The following FER1L6 variants were observed in gnomAD, a reference collection of about 807,000 sequenced individuals.
FER1L6 encodes fer-1 like family member 6.
Under a neutral mutation model 219.2 loss-of-function variants are expected in FER1L6, and 177 were observed. The ratio of observed to expected loss-of-function variants is 0.81; its 90% CI spans 0.71 to 0.91. The LOEUF (loss-of-function observed/expected upper bound fraction) is 0.91, where lower values mean the gene tolerates loss of function less well. Among genes scored for constraint, FER1L6 ranks in the 40% least tolerant of loss-of-function variants. The pLI is 0.00. For synonymous variants in FER1L6, 768 were observed against 824.3 expected (o/e 0.93, Z 1.17); for missense variants, 2,153 against 2,259.9 (o/e 0.95, Z 0.96).
At chr8:123,986,302 A>G in intron 12 of FER1L6, 126 bp downstream of exon 12, 1 of 606,762 alleles carries the variant, frequency 1.6e-6, no homozygotes, top group South Asian at 2.2e-5. Context: ...TCAGAATGAG[A>G]TGAACAATTC....
At chr8:124,097,092 TATACATAC>T (rs1203092189) in intron 35 of FER1L6, among the ~76,000 whole-genome samples, 171 bp from the exon 36 acceptor site, 4 of 7,856 alleles carry the variant, frequency 5.1e-4, no homozygotes, top group Non-Finnish European at 2.1e-3. Flanking sequence ...TATATATATA[TATACATAC>T]ATACATACTT....
chr8:124,083,370 T>C (rs1821654669), intron 33 of FER1L6, among the ~76,000 whole-genome samples: 1 of 152,164 alleles, frequency 6.6e-6, no homozygotes, highest in Non-Finnish European at 1.5e-5. Flanking sequence ...CTTAACCTAA[T>C]GTCTTTAATT....
At chr8:124,042,158 G>A (rs1285094848) in intron 20 of FER1L6, among the ~76,000 whole-genome samples, 1 of 152,214 alleles carries the variant, frequency 6.6e-6, no homozygotes, top group East Asian at 1.9e-4. Context: ...TTGGTCTGCT[G>A]TGTAATTATC....
intron 1 of FER1L6, among the ~76,000 whole-genome samples, chr8:123,874,269 C>T (rs578046925): frequency 5.9e-5 from 9 of 152,308 alleles, no homozygotes; most frequent in African/African-American, 2.2e-4. Flanking sequence ...CTTCTTTTCT[C>T]AAGTCATAGA....
chr8:124,004,115 C>CAAAAAAAAAAAAAAAAAA, intron 13 of FER1L6: 1 of 78,488 alleles, frequency 1.3e-5, no homozygotes, highest in Non-Finnish European at 2.5e-5. Flanking sequence ...CTGAAAGACT[C>CAAAAAAAAAAAAAAAAAA]AAAAAAAAAA....
chr8:124,018,557 A>G (rs992924644), intron 16 of FER1L6, among the ~76,000 whole-genome samples: 1 of 152,152 alleles, frequency 6.6e-6, no homozygotes, highest in African/African-American at 2.4e-5. Context: ...GGCTTTTCTC[A>G]GCACCTCTGG....
At chr8:123,918,623 A>G (rs1813261866) in intron 1 of FER1L6, among the ~76,000 whole-genome samples, 1 of 151,750 alleles carries the variant, frequency 6.6e-6, no homozygotes, top group African/African-American at 2.4e-5. Context: ...TGAGACTTCA[A>G]TCTCATGGCA....
chr8:123,956,014 G>A lies in FER1L6; in HGVS notation c.16G>A (p.Val6Met), dbSNP rs1323803647. ...CAGAAAGGGGATGTTTGGGCTGAAG[G>A]TGAAGAAGAAGAGAAATAAGGCAGA... MFGLK[V>M]KKKRNKAEKG... The change falls in exon 2 of 41, where the codon GTG becomes ATG. Residue 6 changes from valine to methionine, a missense_variant. Coordinates refer to ENST00000522917, the MANE Select transcript of FER1L6 (RefSeq NM_001039112.2). The A allele has an allele frequency of 2.5e-6, 4 of 1,611,852 alleles. No homozygotes were observed. The African/African-American group carries it at 5.3e-5, about 22-fold the overall frequency.
rs1815730108 is a variant in FER1L6, at chr8:123,970,060, C to T, written c.410C>T (p.Pro137Leu). 1 of 1,613,684 alleles carries T rather than the reference C, an allele frequency of 6.2e-7. No homozygotes were observed. The highest frequency in any genetic ancestry group is 1.3e-5 in the African/African-American group (1 of 74,796). The change falls in exon 6 of 41, where the codon CCC (proline) becomes CTC (leucine). Residue 137 changes from proline to leucine, a missense_variant. Coordinates refer to ENST00000522917, the MANE Select transcript of FER1L6 (RefSeq NM_001039112.2). ...NEYFVFDFIG[P>L]QVHLFDKIIK... is the part of the protein sequence containing the mutation. ...TACTTTGTCTTCGACTTCATTGGGC[C>T]CCAAGTGCATCTTTTTGACAAGATC...
At chr8:124,044,405 C>T (rs1480885976) in intron 20 of FER1L6, among the ~76,000 whole-genome samples, 1 of 152,134 alleles carries the variant, frequency 6.6e-6, no homozygotes, top group Non-Finnish European at 1.5e-5. Context: ...TGAAAATGCA[C>T]AATATTTTTA....
intron 22 of FER1L6, among the ~76,000 whole-genome samples, chr8:124,054,384 C>T (rs78791033): frequency 0.021 from 3,148 of 152,266 alleles, 108 homozygotes; most frequent in African/African-American, 0.073. Flanking sequence ...TCTGAAATGC[C>T]AGTTACCATG....
rs11990077 is a variant in FER1L6 at position 123,958,911 on chromosome 8, C to T, written c.76+2837C>T. 8.4e-3 allele frequency among the ~76,000 whole-genome samples: 1,270 copies of T among 151,570 alleles called. 14 individuals are homozygous for T. Among genetic ancestry groups the T allele is most frequent in the African/African-American group, 0.027 (1,102 of 41,286 alleles). The stretch of plus-strand genomic sequence containing the variant: ...GCAGCAGAGAGCTTGTGAGATTCGA[C>T]GGAACTGAAAGGGGGCCTTGTGGAT... On this transcript the variant is annotated intron_variant, in intron 2 of 40. Transcript: ENST00000522917.
intron 22 of FER1L6, among the ~76,000 whole-genome samples, chr8:124,056,797 A>C (rs772025226): frequency 6.6e-6 from 1 of 152,156 alleles, no homozygotes; most frequent in Non-Finnish European, 1.5e-5. Flanking sequence ...TGTAATGAGC[A>C]CCCTTTGGAG....
chr8:124,054,438 A>C (rs1216652812), intron 22 of FER1L6, among the ~76,000 whole-genome samples: 1 of 152,074 alleles, frequency 6.6e-6, no homozygotes, highest in Non-Finnish European at 1.5e-5. Flanking sequence ...TTTTTTTTTA[A>C]CTTCTTTTTC....
In FER1L6 at chr8:124,023,535, A is replaced by C; in HGVS notation, c.2225A>C (p.Tyr742Ser). 1 of 1,614,174 alleles carries C rather than the reference A, an allele frequency of 6.2e-7. No homozygotes were observed. The highest frequency in any genetic ancestry group is 8.5e-7 in the Non-Finnish European group (1 of 1,180,020). The part of the protein sequence containing the change: ...YARIASKDLL[Y>S]SPVAGQMGKH... ...CGCATCGCCTCCAAAGACCTCCTCT[A>C]TTCCCCTGTCGCGGGGCAGATGGGC... is the stretch of plus-strand genomic sequence containing the variant. Residue 742 changes from tyrosine to serine, a missense_variant, in exon 18 of 41, where the codon TAT becomes TCT. Coordinates refer to ENST00000522917, the MANE Select transcript of FER1L6 (RefSeq NM_001039112.2).
chr8:124,033,307 G>C (rs1563755753), intron 18 of FER1L6, among the ~76,000 whole-genome samples: 1 of 152,142 alleles, frequency 6.6e-6, no homozygotes, highest in East Asian at 1.9e-4. Flanking sequence ...CAGAGGGATT[G>C]CTTTTATTAT....
At chr8:124,042,707 T>C (rs972844610) in intron 20 of FER1L6, among the ~76,000 whole-genome samples, 1 of 152,200 alleles carries the variant, frequency 6.6e-6, no homozygotes, top group African/African-American at 2.4e-5. Flanking sequence ...CCTGCAGTCA[T>C]AGCCGAGTGC....
chr8:124,036,932 T>G (rs1819241730), intron 19 of FER1L6, among the ~76,000 whole-genome samples: 1 of 152,212 alleles, frequency 6.6e-6, no homozygotes, highest in African/African-American at 2.4e-5. Flanking sequence ...CACCTATATA[T>G]GTAAGGCATG....
At chr8:123,953,405 CT>C (rs1359509145) in intron 1 of FER1L6, among the ~76,000 whole-genome samples, 1 of 152,220 alleles carries the variant, frequency 6.6e-6, no homozygotes, top group East Asian at 1.9e-4. Flanking sequence ...TTAAAGATCT[CT>C]GAAGGTGGTT....
Sources: allele counts gnomAD v4.1 joint callset (sites outside exome capture counted in the v4.1 genomes callset), GRCh38; gene constraint gnomAD v4.1.1; transcripts MANE v1.5; gene names NCBI Gene and HGNC (gene_info 2026-07-23, HGNC 2026-07-21).